Variants in CPQ observed in about 807,000 individuals in gnomAD.
CPQ encodes Ser-Met dipeptidase.
CPQ carries 37 observed loss-of-function variants against 45.7 expected under a neutral mutation model. The observed-to-expected ratio is 0.81, with a 90% CI of 0.62 to 1.07. CPQ has a LOEUF of 1.07. Ranked by LOEUF, CPQ falls within the 50% of genes least tolerant of loss-of-function variation. The probability of loss-of-function intolerance (pLI) is 0.00; values close to 1 mark genes in which losing one functional copy is unlikely to be tolerated. For missense variants in CPQ, 537 were observed against 572.9 expected, an observed-to-expected ratio of 0.94 and a Z score of 0.64; for synonymous variants, 186 against 205.8, an observed-to-expected ratio of 0.90 and a Z score of 0.82.
intron 5 of CPQ, among the ~76,000 whole-genome samples, chr8:97,007,876 T>G (rs887863942): frequency 1.3e-5 from 2 of 152,204 alleles, no homozygotes; most frequent in African/African-American, 4.8e-5. Flanking sequence ...ATTTAACATT[T>G]AATGCTATAG....
rs149951361 is a variant in CPQ at position 96,925,173 on chromosome 8, G to A, written c.850-40762G>A. Among the ~76,000 whole-genome samples, 91 of 152,282 alleles carry A rather than the reference G, an allele frequency of 6.0e-4. 1 individual carries two copies. Among genetic ancestry groups the A allele is most frequent in the African/African-American group, 2.1e-3 (86 of 41,558 alleles). On this transcript the variant is annotated intron_variant, in intron 4 of 7. Transcript: ENST00000220763. ...CAGGTTATGAAAAGAATGCAAGAATGCCTCTCTTTTCTCTCCATTTATCCA... is the reference window on the plus strand; with the variant it reads ...CAGGTTATGAAAAGAATGCAAGAATACCTCTCTTTTCTCTCCATTTATCCA...
chr8:96,745,121 A>G (rs1810157492), intron 1 of CPQ, among the ~76,000 whole-genome samples: 1 of 152,210 alleles, frequency 6.6e-6, no homozygotes, highest in Non-Finnish European at 1.5e-5. Context: ...TAGCCTGACC[A>G]ACATGGTGAA....
At chr8:96,746,631 T>G (rs1346305815) in intron 1 of CPQ, among the ~76,000 whole-genome samples, 1 of 152,244 alleles carries the variant, frequency 6.6e-6, no homozygotes, top group Non-Finnish European at 1.5e-5. Context: ...TTCATTGACC[T>G]GTGCCTCTCC....
intron 7 of CPQ, among the ~76,000 whole-genome samples, chr8:97,070,090 T>C (rs1810714217): frequency 6.6e-6 from 1 of 152,194 alleles, no homozygotes; most frequent in South Asian, 2.1e-4. Flanking sequence ...GTATCTTGGA[T>C]GTACTTTCCG....
chr8:96,889,806 G>A (rs1812349796), intron 4 of CPQ, among the ~76,000 whole-genome samples: 3 of 152,174 alleles, frequency 2.0e-5, no homozygotes. Context: ...GAGGTCAGAA[G>A]ACTTAGCAAG....
chr8:96,850,826 C>G (rs946547317), intron 3 of CPQ, among the ~76,000 whole-genome samples: 2 of 152,018 alleles, frequency 1.3e-5, no homozygotes, highest in Non-Finnish European at 2.9e-5. Context: ...TCAGGCTGGT[C>G]TGGAACTCCT....
intron 2 of CPQ, among the ~76,000 whole-genome samples, chr8:96,794,800 A>G (rs1167093367): frequency 6.6e-6 from 1 of 152,132 alleles, no homozygotes; most frequent in Non-Finnish European, 1.5e-5. Context: ...AGTTCCACAA[A>G]TTGCTAGGGT....
chr8:96,994,545 T>G (rs1809146517), intron 5 of CPQ, among the ~76,000 whole-genome samples: 1 of 152,140 alleles, frequency 6.6e-6, no homozygotes, highest in South Asian at 2.1e-4. Flanking sequence ...TGTCTTAATT[T>G]AAACCATAAC....
In CPQ at chr8:97,034,106, G is replaced by A. The variant is rs1019875310; in HGVS notation, c.1053+4612G>A. On this transcript the variant is annotated intron_variant, in intron 6 of 7. Coordinates refer to ENST00000220763, the MANE Select transcript of CPQ (RefSeq NM_016134.4). Reference sequence around the variant, plus strand: ...TTTATTAAATTATAAAGGATGTGAGGCTATTTATAGCTTGTGTATACATTT... The same window carrying A: ...TTTATTAAATTATAAAGGATGTGAGACTATTTATAGCTTGTGTATACATTT... Among the ~76,000 whole-genome samples the A allele has an allele frequency of 2.0e-5, 3 of 152,144 alleles. No individual in the cohort carries two copies. The East Asian group carries it at 5.8e-4, about 29-fold the overall frequency.
At chr8:96,949,044 A>T (rs1813226814) in intron 4 of CPQ, among the ~76,000 whole-genome samples, 1 of 152,030 alleles carries the variant, frequency 6.6e-6, no homozygotes, top group Admixed American at 6.6e-5. Context: ...GTCTAAAGTG[A>T]GTTTCCTGTG....
intron 4 of CPQ, among the ~76,000 whole-genome samples, chr8:96,917,344 T>C (rs977351866): frequency 2.6e-5 from 4 of 152,168 alleles, no homozygotes; most frequent in African/African-American, 7.2e-5. Flanking sequence ...TACTAGTTTA[T>C]TTATTATGTT....
chr8:97,116,673 C>T (rs993093903), intron 7 of CPQ, among the ~76,000 whole-genome samples: 3 of 152,180 alleles, frequency 2.0e-5, no homozygotes, highest in South Asian at 2.1e-4. Context: ...AATGAAACCC[C>T]GTGGCAGGAA....
chr8:97,119,116 G>T (rs1811648299), intron 7 of CPQ, among the ~76,000 whole-genome samples: 1 of 151,980 alleles, frequency 6.6e-6, no homozygotes, highest in African/African-American at 2.4e-5. Flanking sequence ...ATCACCTGAG[G>T]TCAGGAGTTA....
chr8:96,911,121 A>G (rs114119842), intron 4 of CPQ, among the ~76,000 whole-genome samples: 5,938 of 152,226 alleles, frequency 0.039, 165 homozygotes, highest in African/African-American at 0.068. Context: ...TTAGCGATCC[A>G]CGTGCTTTTT....
At chr8:96,758,712 T>C (rs1449617678) in intron 1 of CPQ, among the ~76,000 whole-genome samples, 2 of 152,182 alleles carry the variant, frequency 1.3e-5, no homozygotes, top group Non-Finnish European at 2.9e-5. Context: ...TTAGTTCTTC[T>C]TCTTTTTTGT....
chr8:96,656,313 A>G (rs1361795497), intron 1 of CPQ, among the ~76,000 whole-genome samples: 1 of 152,120 alleles, frequency 6.6e-6, no homozygotes, highest in Admixed American at 6.5e-5. Flanking sequence ...CTGAGGTCTG[A>G]TGGGGCTGCT....
At chr8:97,103,720 A>G (rs1330051276) in intron 7 of CPQ, among the ~76,000 whole-genome samples, 2 of 152,192 alleles carry the variant, frequency 1.3e-5, no homozygotes, top group Non-Finnish European at 2.9e-5. Context: ...AATGAGTCAG[A>G]GAATGGAAAG....
intron 4 of CPQ, among the ~76,000 whole-genome samples, chr8:96,949,204 A>G (rs1464672703): frequency 6.6e-6 from 1 of 151,182 alleles, no homozygotes; most frequent in African/African-American, 2.4e-5. Flanking sequence ...TTAGTCCTAT[A>G]GTCCTTTTGT....
intron 7 of CPQ, among the ~76,000 whole-genome samples, chr8:97,115,326 A>C (rs1485464517): frequency 3.3e-5 from 5 of 152,184 alleles, no homozygotes; most frequent in African/African-American, 1.2e-4. Context: ...GGCAGGGGTG[A>C]GTGTGAGCCT....
Sources: allele counts gnomAD v4.1 joint callset (sites outside exome capture counted in the v4.1 genomes callset), GRCh38; gene constraint gnomAD v4.1.1; transcripts MANE v1.5; gene names NCBI Gene and HGNC (gene_info 2026-07-23, HGNC 2026-07-21).